BABAM1: variants seen among roughly 807,000 people sequenced by gnomAD.
BABAM1 encodes BRISC and BRCA1 A complex member 1, also known as BRISC and BRCA1-A complex member 1.
A neutral mutation model predicts 34.4 loss-of-function variants in BABAM1; 14 were observed. The ratio of observed to expected loss-of-function variants is 0.41; its 90% CI spans 0.27 to 0.64. The LOEUF (loss-of-function observed/expected upper bound fraction) is 0.64. BABAM1 is among the 30% of genes least tolerant of loss of function. BABAM1 has a pLI of 0.34. For missense variants in BABAM1, 393 were observed against 434.0 expected, an observed-to-expected ratio of 0.91 and a Z score of 0.84; for synonymous variants, 169 against 165.8, an observed-to-expected ratio of 1.02 and a Z score of -0.15.
At chr19:17,276,801 G>A (rs772247808) in intron 7 of BABAM1, 22 bp from the exon 8 acceptor site, 15 of 1,593,670 alleles carry the variant, frequency 9.4e-6, no homozygotes, top group Non-Finnish European at 1.0e-5. Context: ...CCAGAGGCTG[G>A]TGTTCTTTAC....
intron 2 of BABAM1, among the ~76,000 whole-genome samples, chr19:17,270,344 G>A (rs573535856): frequency 6.6e-6 from 1 of 151,914 alleles, no homozygotes; most frequent in Non-Finnish European, 1.5e-5. Context: ...CACCGCGCCT[G>A]GCTGTCTTTG....
chr19:17,278,708 G>A (rs910531164), intron 8 of BABAM1, 137 bp from the exon 9 acceptor site: 8 of 779,688 alleles, frequency 1.0e-5, no homozygotes, highest in African/African-American at 8.7e-5. Context: ...AATGGTTTCT[G>A]CTTGGCAAAC....
Position 17,268,586 on chromosome 19 carries a change from C to T in BABAM1, c.-13-208C>T, listed in dbSNP as rs562786272. On this transcript the variant is annotated intron_variant, in intron 1 of 8. Coordinates refer to ENST00000598188, the MANE Select transcript of BABAM1 (RefSeq NM_014173.4). ...CTGGGATTATCCGCATGCGCCACCACGCCCGGCTAATTTTGTATTTTTAGT... is the reference window on the plus strand; with the variant it reads ...CTGGGATTATCCGCATGCGCCACCATGCCCGGCTAATTTTGTATTTTTAGT... 17 of 488,670 alleles carry T rather than the reference C, an allele frequency of 3.5e-5. 1 individual carries two copies. Among genetic ancestry groups the T allele is most frequent in the South Asian group, 3.1e-4 (12 of 39,296 alleles). The allele number at this position is 488,670 out of a possible 1,614,324, so 30.3% of individuals were successfully genotyped here.
intron 2 of BABAM1, among the ~76,000 whole-genome samples, chr19:17,269,670 C>T (rs2073815474): frequency 6.6e-6 from 1 of 151,856 alleles, no homozygotes; most frequent in East Asian, 1.9e-4. Flanking sequence ...CTTTTCTAGC[C>T]TCTCGTGGCT....
chr19:17,279,058 G>A lies in BABAM1; in HGVS notation c.*10G>A, dbSNP rs962832345. On this transcript the variant is annotated 3_prime_UTR_variant, in exon 9 of 9. Coordinates refer to ENST00000598188, the MANE Select transcript of BABAM1 (RefSeq NM_014173.4). Reference sequence around the variant, plus strand: ...TGAGGCCACTGTCTGAACCATCCCTGTACATCTGCACCTTCTTGTGCAAGG... The same window carrying A: ...TGAGGCCACTGTCTGAACCATCCCTATACATCTGCACCTTCTTGTGCAAGG... The A allele has an allele frequency of 4.4e-6, 7 of 1,604,744 alleles. No individual in the cohort carries two copies. In the African/African-American group the frequency reaches 5.3e-5, roughly 12 times the overall value.
intron 3 of BABAM1, among the ~76,000 whole-genome samples, chr19:17,272,403 C>T (rs2073851604): frequency 6.6e-6 from 1 of 151,468 alleles, no homozygotes. Flanking sequence ...AGACCCTGTC[C>T]CTTTTTTTTG....
At position 17,271,605 on chromosome 19, in the gene BABAM1, C is replaced by T. The variant is rs2145614280; in HGVS notation, c.294C>T (p.Cys98=). Residue 98 remains cysteine, a synonymous_variant, in exon 3 of 9, where the codon TGC becomes TGT. Coordinates refer to ENST00000598188, the MANE Select transcript of BABAM1 (RefSeq NM_014173.4). ...CTCCAACTACCTTGCAGATTATCTG[C>T]CTGGACCTGTCAGAGGAAATGTCAC... is the stretch of plus-strand genomic sequence containing the variant. ...RVNCPEKVII[C]LDLSEEMSLP... 6.2e-7 allele frequency: 1 copy of T among 1,613,708 alleles called. No homozygotes were observed. Among genetic ancestry groups the T allele is most frequent in the East Asian group, 2.2e-5 (1 of 44,880 alleles).
chr19:17,271,774 T>C, intron 3 of BABAM1, 119 bp downstream of exon 3: 1 of 1,158,356 alleles, frequency 8.6e-7, no homozygotes, highest in Non-Finnish European at 1.2e-6. Context: ...GGCTTGGCAG[T>C]ATCAGAGATT....
Position 17,276,437 on chromosome 19 carries a change from A to G in BABAM1, c.570-58A>G, listed in dbSNP as rs549514438. 5 of 1,556,538 alleles carry G rather than the reference A, an allele frequency of 3.2e-6. No homozygotes were observed. In the South Asian group the frequency reaches 3.6e-5, roughly 11 times the overall value. ...AGCATCTGGGGTCTCTCTCAGGGTG[A>G]TAAGAGGGGCAGACCCCCACAGGCT... On this transcript the variant is annotated intron_variant, in intron 6 of 8. Coordinates refer to ENST00000598188, the MANE Select transcript of BABAM1 (RefSeq NM_014173.4).
chr19:17,268,280 G>C lies in BABAM1; in HGVS notation c.-13-514G>C, dbSNP rs150936579. On this transcript the variant is annotated intron_variant, in intron 1 of 8. Transcript: ENST00000598188. ...TAAAAAAAAAAAGAGGAAAAAAGAG[G>C]GGGGACTGTTATCTTATGTCGGAGT... is the stretch of plus-strand genomic sequence containing the variant. Among the ~76,000 whole-genome samples, 497 of 152,124 alleles carry C rather than the reference G, an allele frequency of 3.3e-3. 3 individuals are homozygous for C. Among genetic ancestry groups the C allele is most frequent in the African/African-American group, 0.011 (457 of 41,520 alleles).
chr19:17,277,205 T>A, intron 8 of BABAM1: 1 of 38,410 alleles, frequency 2.6e-5, no homozygotes, highest in Admixed American at 2.8e-4. Flanking sequence ...TCTTCTTCTT[T>A]TTTTTTTTTT....
intron 6 of BABAM1, among the ~76,000 whole-genome samples, chr19:17,276,040 G>A (rs759219861): frequency 2.6e-5 from 4 of 152,136 alleles, no homozygotes; most frequent in Non-Finnish European, 5.9e-5. Context: ...CGGCAGTGAT[G>A]GGGGATGTTC....
At chr19:17,274,344 T>C in intron 5 of BABAM1, 159 bp downstream of exon 5, 2 of 919,532 alleles carry the variant, frequency 2.2e-6, no homozygotes, top group South Asian at 3.2e-5. Flanking sequence ...AGTTTCCCCA[T>C]CTGTACTGTG....
chr19:17,270,757 G>A (rs1024117931), intron 2 of BABAM1, among the ~76,000 whole-genome samples: 14 of 150,496 alleles, frequency 9.3e-5, no homozygotes, highest in Admixed American at 2.0e-4. Context: ...GCACAACCTC[G>A]GCTCACTGCA....
At chr19:17,274,384 A>T in intron 5 of BABAM1, 199 bp downstream of exon 5, 2 of 645,062 alleles carry the variant, frequency 3.1e-6, no homozygotes, top group East Asian at 5.6e-5. Flanking sequence ...CCCCATGGAG[A>T]TGCTGTAACA....
intron 2 of BABAM1, 41 bp downstream of exon 2, chr19:17,269,132 A>T (rs1019955867): frequency 3.3e-6 from 5 of 1,514,730 alleles, no homozygotes; most frequent in African/African-American, 1.4e-5. Context: ...GATGCTAGGG[A>T]ACCTAGCATC....
intron 6 of BABAM1, 87 bp downstream of exon 6, chr19:17,275,912 T>C (rs983877822): frequency 6.8e-7 from 1 of 1,474,984 alleles, no homozygotes; most frequent in Non-Finnish European, 9.5e-7. Flanking sequence ...AGAAGTAATC[T>C]AGGGAGCCTT....
Position 17,271,617 on chromosome 19 carries a change from A to G in BABAM1, c.306A>G (p.Ser102=), listed in dbSNP as rs1323802478. 1.9e-6 allele frequency: 3 copies of G among 1,613,820 alleles called. No individual in the cohort carries two copies. The South Asian group carries it at 3.3e-5, about 18-fold the overall frequency. ...TGCAGATTATCTGCCTGGACCTGTCAGAGGAAATGTCACTGCCAAAGCTGG... is the reference window on the plus strand; with the variant it reads ...TGCAGATTATCTGCCTGGACCTGTCGGAGGAAATGTCACTGCCAAAGCTGG... The part of the protein sequence containing the change: ...PEKVIICLDL[S]EEMSLPKLES... The change falls in exon 3 of 9, where the codon TCA becomes TCG. Residue 102 remains serine (S), a synonymous_variant. Transcript: ENST00000598188.
chr19:17,273,394 A>G (rs780547075), intron 3 of BABAM1, among the ~76,000 whole-genome samples: 8 of 152,136 alleles, frequency 5.3e-5, no homozygotes, highest in Non-Finnish European at 1.2e-4. Flanking sequence ...CTTGAGCCCC[A>G]TGCTGCGCAG....
Sources: gnomAD v4.1 joint callset for allele counts (sites outside exome capture counted in the v4.1 genomes callset) on GRCh38, gnomAD v4.1.1 for gene constraint, MANE v1.5 for transcripts, NCBI Gene and HGNC (gene_info 2026-07-23, HGNC 2026-07-21) for gene names.